The following FUBP3 variants were observed in gnomAD, a reference collection of about 807,000 sequenced individuals.
FUBP3 encodes far upstream element-binding protein 3.
A neutral mutation model predicts 85.6 loss-of-function variants in FUBP3; 28 were observed. The observed-to-expected ratio is 0.33, with a 90% CI of 0.24 to 0.45. The LOEUF (loss-of-function observed/expected upper bound fraction) is 0.45. Among genes scored for constraint, FUBP3 ranks in the 20% least tolerant of loss-of-function variants. The pLI is 1.00. For synonymous variants in FUBP3, 271 were observed against 271.4 expected (o/e 1.00, Z 0.01); for missense variants, 583 against 755.1 (o/e 0.77, Z 2.67).
At position 130,595,937 on chromosome 9, in the gene FUBP3, G is replaced by A. The variant is rs893850230; in HGVS notation, c.190+349G>A. Reference sequence around the variant, plus strand: ...CCCACTTTCTCCACAGAAAAGCTACGATTTGGTGCATGGCTCTAGGGAAGC... The same window carrying A: ...CCCACTTTCTCCACAGAAAAGCTACAATTTGGTGCATGGCTCTAGGGAAGC... On this transcript the variant is annotated intron_variant, in intron 2 of 18. Transcript: ENST00000319725. 4.6e-5 allele frequency among the ~76,000 whole-genome samples: 7 copies of A among 152,170 alleles called. No individual in the cohort carries two copies. The South Asian group carries it at 8.3e-4, about 18-fold the overall frequency.
At chr9:130,600,038 C>T (rs1300156815) in intron 2 of FUBP3, among the ~76,000 whole-genome samples, 3 of 152,114 alleles carry the variant, frequency 2.0e-5, no homozygotes, top group Admixed American at 6.5e-5. Flanking sequence ...TTTTGACTTT[C>T]TTCGGGGCTC....
intron 16 of FUBP3, 34 bp from the exon 17 acceptor site, chr9:130,634,633 G>A (rs553878429): frequency 3.6e-5 from 58 of 1,594,438 alleles, no homozygotes; most frequent in African/African-American, 2.5e-4. Flanking sequence ...TGAGGAGCCC[G>A]TAAGGCCTGA....
chr9:130,637,271 A>G lies in FUBP3; in HGVS notation c.*249A>G. 1 of 527,916 alleles carries G rather than the reference A, an allele frequency of 1.9e-6. No individual in the cohort carries two copies. Among genetic ancestry groups the G allele is most frequent in the Non-Finnish European group, 3.4e-6 (1 of 292,252 alleles). The allele number at this position is 527,916 out of a possible 1,614,324, so 32.7% of individuals were successfully genotyped here. ...GCTCTGGGATTCTTTTTGGAGCAAT[A>G]CCTACAAAGTCAGGCACCAGAATGT... On this transcript the variant is annotated 3_prime_UTR_variant, in exon 19 of 19. Coordinates refer to ENST00000319725, the MANE Select transcript of FUBP3 (RefSeq NM_003934.2).
At position 130,609,084 on chromosome 9, in the gene FUBP3, T is replaced by C. The variant is rs140915631; in HGVS notation, c.191-870T>C. On this transcript the variant is annotated intron_variant, in intron 2 of 18. Transcript: ENST00000319725. ...TGCATTTGGTTCTTTGTGATATGTT[T>C]AGGATTTGTATTTTTTCATTGTCTG... Among the ~76,000 whole-genome samples, 126 of 152,348 alleles carry C rather than the reference T, an allele frequency of 8.3e-4. No individual in the cohort carries two copies. In the East Asian group the frequency reaches 0.02, roughly 24 times the overall value.
Position 130,620,433 on chromosome 9 carries a change from C to T in FUBP3, c.746C>T (p.Ser249Phe). 6.3e-7 allele frequency: 1 copy of T among 1,596,136 alleles called. No homozygotes were observed. The change falls in exon 9 of 19, where the codon TCT becomes TTT. Residue 249 changes from serine to phenylalanine, a missense_variant. Physicochemically the swap from Ser to Phe is radical, Grantham distance 155. Around this residue, in one of 3 missense-constraint regions of FUBP3, gnomAD observed 404 missense variants for 516.8 expected, o/e 0.78. Transcript: ENST00000319725. Reference protein sequence around the residue: ...DFRGVRGDFNSRMGGGSIEVS... With the variant: ...DFRGVRGDFNFRMGGGSIEVS... ...CGGGGTGTACGCGGCGATTTCAACTCTCGAATGGGAGGAGGCAGTATAGAG... is the reference window on the plus strand; with the variant it reads ...CGGGGTGTACGCGGCGATTTCAACTTTCGAATGGGAGGAGGCAGTATAGAG...
chr9:130,616,643 G>A lies in FUBP3; in HGVS notation c.567+126G>A. 4 of 825,630 alleles carry A rather than the reference G, an allele frequency of 4.8e-6. No individual in the cohort carries two copies. Among genetic ancestry groups the A allele is most frequent in the Non-Finnish European group, 5.7e-6 (3 of 522,664 alleles). 51.1% of individuals were successfully genotyped at this position (825,630 alleles called of 1,614,324 possible). A position where few individuals can be genotyped will look rare whatever the true frequency, so the allele number is the denominator to read the frequency against. On this transcript the variant is annotated intron_variant, in intron 7 of 18. Transcript: ENST00000319725. This position sits in a 1 kb window ranked among gnomAD's most constrained non-coding sequence, Gnocchi z 4.7. ...TGGCTTTGTGCAGCATTGTGCTGAG[G>A]CTTCCTTCCTCCATTTGACAGACAG...
chr9:130,599,367 G>A (rs1429202323), intron 2 of FUBP3, among the ~76,000 whole-genome samples: 73 of 43,846 alleles, frequency 1.7e-3, no homozygotes, highest in South Asian at 0.015. Context: ...ATATGTGTGT[G>A]TGTGTGTGTG....
rs922230112 is a variant in FUBP3 at position 130,631,741 on chromosome 9, G to A, written c.1352+111G>A. 5.4e-5 allele frequency: 50 copies of A among 930,738 alleles called. No homozygotes were observed. In the East Asian group the frequency reaches 6.2e-4, roughly 12 times the overall value. 57.7% of individuals were successfully genotyped at this position (930,738 alleles called of 1,614,324 possible). The stretch of plus-strand genomic sequence containing the variant: ...CCAGCCAAGGCCTGAAGTTCTGGGC[G>A]TGGGCAGGACTCGTTTCTTTTCCTC... On this transcript the variant is annotated intron_variant, in intron 14 of 18. Transcript: ENST00000319725.
At chr9:130,589,677 A>ATGTGTATGTATG (rs1564190773) in intron 1 of FUBP3, among the ~76,000 whole-genome samples, 1 of 22,962 alleles carries the variant, frequency 4.4e-5, no homozygotes, top group Admixed American at 6.8e-4. Context: ...ATGTGTGTGT[A>ATGTGTATGTATG]TATATATATA....
chr9:130,619,362 T>G (rs894800123), intron 8 of FUBP3, among the ~76,000 whole-genome samples: 1 of 151,914 alleles, frequency 6.6e-6, no homozygotes, highest in Non-Finnish European at 1.5e-5. Context: ...CACCTATGTA[T>G]CTCTTCAACC....
chr9:130,611,253 A>G (rs539361000), intron 3 of FUBP3, among the ~76,000 whole-genome samples: 1 of 152,306 alleles, frequency 6.6e-6, no homozygotes, highest in Admixed American at 6.5e-5. Flanking sequence ...CACACGCACA[A>G]GAGCCCTGTC....
In FUBP3 at chr9:130,631,523, A is replaced by G. The variant is rs529207761; in HGVS notation, c.1279-34A>G. 1.7e-5 allele frequency: 27 copies of G among 1,581,688 alleles called. 1 individual carries two copies. The East Asian group carries it at 3.6e-4, about 21-fold the overall frequency. ...GGCAGAGGAAAGAGGTGTGCAACCA[A>G]CAGCGGGTGAGAGCTCCCTCTGTGC... On this transcript the variant is annotated intron_variant, in intron 13 of 18. Coordinates refer to ENST00000319725, the MANE Select transcript of FUBP3 (RefSeq NM_003934.2).
At chr9:130,620,816 T>C (rs2119093189) in intron 9 of FUBP3, among the ~76,000 whole-genome samples, 1 of 152,356 alleles carries the variant, frequency 6.6e-6, no homozygotes, top group East Asian at 1.9e-4. Context: ...GGTCAGAATC[T>C]ATCCTAGAGA....
chr9:130,628,886 C>G (rs1044819418), intron 12 of FUBP3, among the ~76,000 whole-genome samples: 6 of 152,164 alleles, frequency 3.9e-5, no homozygotes, highest in Non-Finnish European at 8.8e-5. Context: ...TCTCCTGCCT[C>G]AGCCTCCCGA....
At chr9:130,603,102 T>C (rs1409613411) in intron 2 of FUBP3, among the ~76,000 whole-genome samples, 1 of 152,072 alleles carries the variant, frequency 6.6e-6, no homozygotes, top group East Asian at 1.9e-4. Flanking sequence ...ATCCCAGCAC[T>C]TTGGGAGGCT....
chr9:130,632,913 G>A (rs1830272190), intron 16 of FUBP3, among the ~76,000 whole-genome samples: 1 of 152,260 alleles, frequency 6.6e-6, no homozygotes, highest in African/African-American at 2.4e-5. Context: ...AAGCAAAGCA[G>A]AACCCTTACC....
rs1421394052 is a variant in FUBP3 at position 130,589,701 on chromosome 9, ATATATTTTTTT to A, written c.85-5780_85-5770del. ...TATATATATATATATATATATATAT[ATATATTTTTTT>A]TTTTTTTTTTTTTTTTAAGAGACAG... On this transcript the variant is annotated intron_variant, in intron 1 of 18. Transcript: ENST00000319725. 7.9e-4 allele frequency among the ~76,000 whole-genome samples: 22 copies of A among 28,006 alleles called. No homozygotes were observed. In the South Asian group the frequency reaches 0.013, roughly 17 times the overall value. The allele number at this position is 28,006 out of a possible 152,430, so 18.4% of individuals were successfully genotyped here. A position where few individuals can be genotyped will look rare whatever the true frequency, so the allele number is the denominator to read the frequency against.
At position 130,637,160 on chromosome 9, in the gene FUBP3, GGAAT is replaced by G. The variant is rs2119135382; in HGVS notation, c.*139_*142del. 1 of 690,836 alleles carries G rather than the reference GGAAT, an allele frequency of 1.4e-6. No homozygotes were observed. The highest frequency in any genetic ancestry group is 2.7e-5 in the East Asian group (1 of 36,872). 42.8% of individuals were successfully genotyped at this position (690,836 alleles called of 1,614,324 possible). A position where few individuals can be genotyped will look rare whatever the true frequency, so the allele number is the denominator to read the frequency against. On this transcript the variant is annotated 3_prime_UTR_variant, in exon 19 of 19. Transcript: ENST00000319725. Reference sequence around the variant, plus strand: ...TGTGAAACACTATATTTAGATTAACGGAATTTTTCTAAAAATCAGGAAAATTAGT... The same window carrying G: ...TGTGAAACACTATATTTAGATTAACGTTTTCTAAAAATCAGGAAAATTAGT...
intron 8 of FUBP3, among the ~76,000 whole-genome samples, chr9:130,619,475 C>T (rs1431548155): frequency 6.6e-6 from 1 of 152,086 alleles, no homozygotes; most frequent in Non-Finnish European, 1.5e-5. Flanking sequence ...CATGTGTCTC[C>T]TAAGAATAAC....
Sources: gnomAD v4.1 joint callset for allele counts (sites outside exome capture counted in the v4.1 genomes callset) on GRCh38, gnomAD v4.1.1 for gene constraint, gnomAD v4.1.1 regional missense constraint, Gnocchi (gnomAD v3.1) non-coding constraint, MANE v1.5 for transcripts, NCBI Gene and HGNC (gene_info 2026-07-23, HGNC 2026-07-21) for gene names.